Variants in STAT4 observed in about 807,000 individuals in gnomAD.
STAT4 encodes signal transducer and activator of transcription 4.
A neutral mutation model predicts 110.5 loss-of-function variants in STAT4; 42 were observed. That is an observed-to-expected ratio of 0.38 (90% CI 0.30 to 0.49). STAT4 has a LOEUF of 0.49. Among genes scored for constraint, STAT4 ranks in the 20% least tolerant of loss-of-function variants. The pLI is 0.95. For synonymous variants in STAT4, 284 were observed against 302.2 expected, an observed-to-expected ratio of 0.94 and a Z score of 0.63; for missense variants, 632 against 887.9, an observed-to-expected ratio of 0.71 and a Z score of 3.66.
At position 191,031,957 on chromosome 2, in the gene STAT4, C is replaced by A. The variant is rs1444087755; in HGVS notation, c.2045-441G>T. ...CAGATGTCAGTGTTCCCAAAAGTATCATTGTACTGTAGTAACAGTCATGTG... is the reference window on the plus strand; with the variant it reads ...CAGATGTCAGTGTTCCCAAAAGTATAATTGTACTGTAGTAACAGTCATGTG... On this transcript the variant is annotated intron_variant, in intron 21 of 23. Coordinates refer to ENST00000392320, the MANE Select transcript of STAT4 (RefSeq NM_003151.4). The surrounding 1 kb of genome is among the most constrained non-coding windows in gnomAD (Gnocchi z 4.8). 6.6e-6 allele frequency among the ~76,000 whole-genome samples: 1 copy of A among 152,204 alleles called. No individual in the cohort carries two copies. Among genetic ancestry groups the A allele is most frequent in the Non-Finnish European group, 1.5e-5 (1 of 68,032 alleles).
chr2:191,067,988 A>T (rs1000462046), intron 6 of STAT4: 1 of 151,994 alleles, frequency 6.6e-6, no homozygotes, highest in Non-Finnish European at 1.5e-5. Flanking sequence ...AAATTCACTA[A>T]CTCCTAGATC....
chr2:191,122,631 A>G (rs1346930138), intron 3 of STAT4, among the ~76,000 whole-genome samples: 1 of 152,274 alleles, frequency 6.6e-6, no homozygotes, highest in African/African-American at 2.4e-5. Flanking sequence ...GAATGAATAA[A>G]TAAATTGTAC....
In STAT4 at chr2:191,042,498, G is replaced by A. The variant is rs1300916031; in HGVS notation, c.1252-1350C>T. On this transcript the variant is annotated intron_variant, in intron 14 of 23. Transcript: ENST00000392320. The surrounding 1 kb of genome is among the most constrained non-coding windows in gnomAD (Gnocchi z 4.2). The stretch of plus-strand genomic sequence containing the variant: ...CCAACTGTCAAATGGCCTTTTTTGA[G>A]ACAATAGAGGAATTTGAACAAAAAA... 6.6e-6 allele frequency among the ~76,000 whole-genome samples: 1 copy of A among 152,046 alleles called. No individual in the cohort carries two copies. The highest frequency in any genetic ancestry group is 1.5e-5 in the Non-Finnish European group (1 of 68,024).
chr2:191,142,940 C>G lies in STAT4; in HGVS notation c.273+3673G>C, dbSNP rs952280920. ...CATTGTCAAAACCCATAAAATTATA[C>G]AACACAAGGAGTGAATCTTAATGTA... On this transcript the variant is annotated intron_variant, in intron 3 of 23. Coordinates refer to ENST00000392320, the MANE Select transcript of STAT4 (RefSeq NM_003151.4). This position sits in a 1 kb window ranked among gnomAD's most constrained non-coding sequence, Gnocchi z 4.1. Among the ~76,000 whole-genome samples the G allele has an allele frequency of 6.6e-6, 1 of 151,992 alleles. No homozygotes were observed. The highest frequency in any genetic ancestry group is 1.5e-5 in the Non-Finnish European group (1 of 68,008).
In STAT4 at chr2:191,082,970, T is replaced by G. The variant is rs1233872045; in HGVS notation, c.274-6645A>C. Among the ~76,000 whole-genome samples the G allele has an allele frequency of 2.6e-5, 4 of 152,160 alleles. No homozygotes were observed. Among genetic ancestry groups the G allele is most frequent in the Admixed American group, 2.6e-4 (4 of 15,276 alleles). Reference sequence around the variant, plus strand: ...ATTGTGAAGGATTTTTCAGATGATGTTCTCTGACTGTAGTGACCTGGCAAC... The same window carrying G: ...ATTGTGAAGGATTTTTCAGATGATGGTCTCTGACTGTAGTGACCTGGCAAC... On this transcript the variant is annotated intron_variant, in intron 3 of 23. Transcript: ENST00000392320. This position sits in a 1 kb window ranked among gnomAD's most constrained non-coding sequence, Gnocchi z 4.7.
rs1417573857 is a variant in STAT4 at position 191,086,676 on chromosome 2, C to T, written c.274-10351G>A. Among the ~76,000 whole-genome samples the T allele has an allele frequency of 1.3e-5, 2 of 152,068 alleles. No homozygotes were observed. Among genetic ancestry groups the T allele is most frequent in the East Asian group, 3.8e-4 (2 of 5,202 alleles). On this transcript the variant is annotated intron_variant, in intron 3 of 23. Transcript: ENST00000392320. The surrounding 1 kb of genome is among the most constrained non-coding windows in gnomAD (Gnocchi z 5.5). ...ATTCTTTTTCAGTTTTTAGTATTTG[C>T]TACAATTTAGATTGAGTTCTGAATT...
chr2:191,047,657 T>C (rs1387655604), intron 14 of STAT4, among the ~76,000 whole-genome samples: 1 of 152,236 alleles, frequency 6.6e-6, no homozygotes, highest in East Asian at 1.9e-4. Context: ...TTCCAGCCTC[T>C]ATAGTTTAAT....
At chr2:191,137,159 G>C (rs569877990) in intron 3 of STAT4, among the ~76,000 whole-genome samples, 2 of 151,948 alleles carry the variant, frequency 1.3e-5, no homozygotes, top group African/African-American at 4.8e-5. Context: ...CCTGGCCAAC[G>C]TGGTGAAACC....
chr2:191,094,383 C>T (rs910629159), intron 3 of STAT4, among the ~76,000 whole-genome samples: 44 of 152,264 alleles, frequency 2.9e-4, no homozygotes, highest in African/African-American at 8.9e-4. Context: ...AGACTAACAG[C>T]GTATCTCTCA....
chr2:191,102,830 G>A lies in STAT4; in HGVS notation c.274-26505C>T, dbSNP rs142844325. On this transcript the variant is annotated intron_variant, in intron 3 of 23. Coordinates refer to ENST00000392320, the MANE Select transcript of STAT4 (RefSeq NM_003151.4). Reference sequence around the variant, plus strand: ...GTTGTCATTTTTGTTCCTTCCATTCGCTTTTGTGTCCATCAATTATCTGTG... The same window carrying A: ...GTTGTCATTTTTGTTCCTTCCATTCACTTTTGTGTCCATCAATTATCTGTG... 8.5e-5 allele frequency among the ~76,000 whole-genome samples: 13 copies of A among 152,106 alleles called. No individual in the cohort carries two copies. In the East Asian group the frequency reaches 9.6e-4, roughly 11 times the overall value.
intron 3 of STAT4, among the ~76,000 whole-genome samples, chr2:191,125,818 G>C (rs1273140071): frequency 6.6e-6 from 1 of 152,068 alleles, no homozygotes; most frequent in Admixed American, 6.6e-5. Flanking sequence ...TGCGGGGAGA[G>C]TTAGATTTAA....
intron 3 of STAT4, chr2:191,131,770 G>T: frequency 1.5e-6 from 2 of 1,300,444 alleles, no homozygotes; most frequent in South Asian, 4.9e-5. Flanking sequence ...CCTGTATCTT[G>T]GTTTCCTCAA....
At chr2:191,036,917 C>G (rs16833197) in intron 16 of STAT4, among the ~76,000 whole-genome samples, 4,571 of 152,252 alleles carry the variant, frequency 0.03, 229 homozygotes, top group African/African-American at 0.1. Context: ...AATATCATCT[C>G]ATCTCTGTTG....
intron 3 of STAT4, among the ~76,000 whole-genome samples, chr2:191,115,753 G>A (rs1028069132): frequency 2.0e-5 from 3 of 152,144 alleles, no homozygotes; most frequent in African/African-American, 4.8e-5. Context: ...CCTGACCTCA[G>A]TCCTCAGAAA....
chr2:191,077,386 T>G lies in STAT4; in HGVS notation c.274-1061A>C, dbSNP rs1287003942. ...AACTAATCTGAACAACACTATCAAT[T>G]TAGTCAATAGTATTAAATTTCTTTG... On this transcript the variant is annotated intron_variant, in intron 3 of 23. Coordinates refer to ENST00000392320, the MANE Select transcript of STAT4 (RefSeq NM_003151.4). This position sits in a 1 kb window ranked among gnomAD's most constrained non-coding sequence, Gnocchi z 4.1. Among the ~76,000 whole-genome samples, 2 of 152,178 alleles carry G rather than the reference T, an allele frequency of 1.3e-5. No homozygotes were observed. Among genetic ancestry groups the G allele is most frequent in the Non-Finnish European group, 2.9e-5 (2 of 68,044 alleles).
At chr2:191,054,287 G>T (rs1435868379) in intron 14 of STAT4, among the ~76,000 whole-genome samples, 1 of 152,036 alleles carries the variant, frequency 6.6e-6, no homozygotes, top group Non-Finnish European at 1.5e-5. Flanking sequence ...TTTGGAGGGT[G>T]TTGATAACAT....
rs896110144 is a variant in STAT4 at position 191,138,441 on chromosome 2, G to T, written c.273+8172C>A. ...AAATGAAACTACAGCCAATACCGCA[G>T]AAATACAAAAGATTAGCTAAGGCTA... is the stretch of plus-strand genomic sequence containing the variant. On this transcript the variant is annotated intron_variant, in intron 3 of 23. Transcript: ENST00000392320. This position sits in a 1 kb window ranked among gnomAD's most constrained non-coding sequence, Gnocchi z 4.3. 1.3e-5 allele frequency among the ~76,000 whole-genome samples: 2 copies of T among 152,064 alleles called. No individual in the cohort carries two copies. Among genetic ancestry groups the T allele is most frequent in the Non-Finnish European group, 2.9e-5 (2 of 68,006 alleles).
intron 3 of STAT4, among the ~76,000 whole-genome samples, chr2:191,125,610 C>T (rs1698862336): frequency 6.6e-6 from 1 of 151,772 alleles, no homozygotes; most frequent in African/African-American, 2.4e-5. Context: ...ACCTCAGCCA[C>T]CCAAGTAGGT....
At chr2:191,054,646 A>G in intron 13 of STAT4, 112 bp from the exon 14 acceptor site, 1 of 856,346 alleles carries the variant, frequency 1.2e-6, no homozygotes, top group Non-Finnish European at 1.9e-6. Flanking sequence ...CTTCTAGAAC[A>G]GCAACATATT....
Sources: gnomAD v4.1 joint callset for allele counts (sites outside exome capture counted in the v4.1 genomes callset) on GRCh38, gnomAD v4.1.1 for gene constraint, Gnocchi (gnomAD v3.1) non-coding constraint, MANE v1.5 for transcripts, NCBI Gene and HGNC (gene_info 2026-07-23, HGNC 2026-07-21) for gene names.